Variants in LDLRAP1 observed in about 807,000 individuals in gnomAD.
LDLRAP1 encodes the protein low density lipoprotein receptor adapter protein 1.
A neutral mutation model predicts 37.8 loss-of-function variants in LDLRAP1; 30 were observed. The ratio of observed to expected loss-of-function variants is 0.79; its 90% CI spans 0.59 to 1.08. LDLRAP1 has a LOEUF of 1.08. Ranked by LOEUF, LDLRAP1 falls within the 50% of genes least tolerant of loss-of-function variation. LDLRAP1 has a pLI of 0.00. For synonymous variants in LDLRAP1, 156 were observed against 169.8 expected, an observed-to-expected ratio of 0.92 and a Z score of 0.63; for missense variants, 375 against 401.6, an observed-to-expected ratio of 0.93 and a Z score of 0.57.
At chr1:25,566,752 G>GCA in intron 8 of LDLRAP1, 96 bp from the exon 9 acceptor site, 1 of 1,470,786 alleles carries the variant, frequency 6.8e-7, no homozygotes. Context: ...CTTGGGCCAT[G>GCA]TGCCCTGCTG....
At position 25,544,411 on chromosome 1, in the gene LDLRAP1, A is replaced by G. The variant is rs557453480; in HGVS notation, c.88+625A>G. 7.9e-5 allele frequency among the ~76,000 whole-genome samples: 12 copies of G among 152,206 alleles called. No individual in the cohort carries two copies. The highest frequency in any genetic ancestry group is 1.8e-4 in the Non-Finnish European group (12 of 68,018). On this transcript the variant is annotated intron_variant, in intron 1 of 8. Coordinates refer to ENST00000374338, the MANE Select transcript of LDLRAP1 (RefSeq NM_015627.3). This position sits in a 1 kb window ranked among gnomAD's most constrained non-coding sequence, Gnocchi z 4.8. The stretch of plus-strand genomic sequence containing the variant: ...GGGAGAGCCCCACATCAGGCGATCT[A>G]GACCCTTACGTCCCTTCCTCTAGCC...
chr1:25,565,242 G>A (rs1482000111), intron 8 of LDLRAP1, 35 bp downstream of exon 8: 2 of 1,613,086 alleles, frequency 1.2e-6, no homozygotes, highest in Non-Finnish European at 1.7e-6. Context: ...TAGGGGGCCT[G>A]GTGTGCGTGG....
chr1:25,543,805 G>A lies in LDLRAP1; in HGVS notation c.88+19G>A. The A allele has an allele frequency of 8.4e-7, 1 of 1,197,542 alleles. No homozygotes were observed. Among genetic ancestry groups the A allele is most frequent in the Non-Finnish European group, 1.0e-6 (1 of 964,346 alleles). 74.2% of individuals were successfully genotyped at this position (1,197,542 alleles called of 1,614,324 possible). A position where few individuals can be genotyped will look rare whatever the true frequency, so the allele number is the denominator to read the frequency against. On this transcript the variant is annotated intron_variant, in intron 1 of 8. Coordinates refer to ENST00000374338, the MANE Select transcript of LDLRAP1 (RefSeq NM_015627.3). ...CACCGCAGTGAGTGTGCGCGCGTCA[G>A]CCGGGCCGGGCCGGGATCGGGCAGA...
chr1:25,561,330 A>T (rs1393758557), intron 4 of LDLRAP1, among the ~76,000 whole-genome samples: 1 of 152,262 alleles, frequency 6.6e-6, no homozygotes, highest in Admixed American at 6.5e-5. Context: ...CTGTACTTCC[A>T]TCAAAAATGT....
intron 1 of LDLRAP1, among the ~76,000 whole-genome samples, chr1:25,551,228 A>C (rs1388750652): frequency 1.3e-5 from 2 of 152,166 alleles, no homozygotes; most frequent in Admixed American, 1.3e-4. Context: ...GATGGGTCTC[A>C]GGTTGAAATT....
chr1:25,568,501 A>G lies in LDLRAP1; in HGVS notation c.*1509A>G, dbSNP rs1348381614. ...AAGTTTCATCAGCCCTAGGGAAAAC[A>G]CGGCCCTCCTGGGAACCTCCTTACC... On this transcript the variant is annotated 3_prime_UTR_variant, in exon 9 of 9. Transcript: ENST00000374338. 6.6e-6 allele frequency: 1 copy of G among 152,214 alleles called. No homozygotes were observed. The highest frequency in any genetic ancestry group is 1.5e-5 in the Non-Finnish European group (1 of 68,042). 9.4% of individuals were successfully genotyped at this position (152,214 alleles called of 1,614,324 possible).
At chr1:25,571,843 A>G (rs947262999), downstream of LDLRAP1, among the ~76,000 whole-genome samples, 1 of 152,178 alleles carries the variant, frequency 6.6e-6, no homozygotes, top group Non-Finnish European at 1.5e-5. Context: ...TGTGTCATGA[A>G]TCCTTGTTGC....
the LDLRAP1 span, among the ~76,000 whole-genome samples, chr1:25,579,848 C>A: frequency 6.6e-6 from 1 of 152,152 alleles, no homozygotes; most frequent in Non-Finnish European, 1.5e-5. Context: ...TCCCTGAACG[C>A]TAACTGGATT....
At chr1:25,551,320 G>T (rs879917280) in intron 1 of LDLRAP1, among the ~76,000 whole-genome samples, 2 of 152,110 alleles carry the variant, frequency 1.3e-5, no homozygotes, top group Admixed American at 6.6e-5. Flanking sequence ...AAATGCCTCC[G>T]CCTCCAAAAA....
At chr1:25,575,682 A>T in the LDLRAP1 span, among the ~76,000 whole-genome samples, 1 of 152,172 alleles carries the variant, frequency 6.6e-6, no homozygotes, top group African/African-American at 2.4e-5. Flanking sequence ...CCGTTTCCTT[A>T]TCTGTAGAGG....
chr1:25,544,929 G>A lies in LDLRAP1; in HGVS notation c.88+1143G>A, dbSNP rs957329971. 6.6e-6 allele frequency among the ~76,000 whole-genome samples: 1 copy of A among 152,232 alleles called. No homozygotes were observed. Among genetic ancestry groups the A allele is most frequent in the African/African-American group, 2.4e-5 (1 of 41,470 alleles). On this transcript the variant is annotated intron_variant, in intron 1 of 8. Transcript: ENST00000374338. This position sits in a 1 kb window ranked among gnomAD's most constrained non-coding sequence, Gnocchi z 4.8. ...TCCCTGGTCCAAGGAGTGCCAGCGT[G>A]TCTGGGCCTAGAGGGCCCGCCTCCC...
chr1:25,584,095 A>G, the LDLRAP1 span, among the ~76,000 whole-genome samples: 1 of 152,028 alleles, frequency 6.6e-6, no homozygotes, highest in Non-Finnish European at 1.5e-5. Context: ...TGAGCCTGTC[A>G]GCTGCCAAGG....
At chr1:25,556,417 C>T (rs2044201417) in intron 3 of LDLRAP1, among the ~76,000 whole-genome samples, 1 of 152,162 alleles carries the variant, frequency 6.6e-6, no homozygotes, top group Admixed American at 6.5e-5. Context: ...CCCGGGCCCA[C>T]TGGGGCTCCT....
the LDLRAP1 span, among the ~76,000 whole-genome samples, chr1:25,582,563 G>A: frequency 7.7e-4 from 113 of 147,118 alleles, 1 homozygote; most frequent in African/African-American, 2.3e-3. Context: ...CCAGCCTGGC[G>A]ACAGAGCGAG....
chr1:25,544,275 A>G lies in LDLRAP1; in HGVS notation c.88+489A>G, dbSNP rs370827036. On this transcript the variant is annotated intron_variant, in intron 1 of 8. Transcript: ENST00000374338. The surrounding 1 kb of genome is among the most constrained non-coding windows in gnomAD (Gnocchi z 4.8). ...GGCCCGTTCTCCCGCCCCCTGCCCG[A>G]CCCACCGGGCCAACTTTTGACTCCG... 2.9e-3 allele frequency among the ~76,000 whole-genome samples: 447 copies of G among 152,042 alleles called. 3 individuals are homozygous for G. The highest frequency in any genetic ancestry group is 0.01 in the African/African-American group (427 of 41,492).
At position 25,548,335 on chromosome 1, in the gene LDLRAP1, CTTTTTT is replaced by C. The variant is rs144789866; in HGVS notation, c.88+4574_88+4579del. On this transcript the variant is annotated intron_variant, in intron 1 of 8. Coordinates refer to ENST00000374338, the MANE Select transcript of LDLRAP1 (RefSeq NM_015627.3). ...CAAGACAACCCCATGGATGGATACT[CTTTTTT>C]TTTTTTTTTTTTTTTTTTTTTTTTA... is the stretch of plus-strand genomic sequence containing the variant. Among the ~76,000 whole-genome samples, 405 of 82,286 alleles carry C rather than the reference CTTTTTT, an allele frequency of 4.9e-3. 6 individuals carry two copies. The highest frequency in any genetic ancestry group is 0.014 in the African/African-American group (204 of 15,066). 54.0% of individuals were successfully genotyped at this position (82,286 alleles called of 152,430 possible).
In LDLRAP1 at chr1:25,568,531, G is replaced by A. The variant is rs1228401315; in HGVS notation, c.*1539G>A. On this transcript the variant is annotated 3_prime_UTR_variant, in exon 9 of 9. Transcript: ENST00000374338. ...CCTCCTGGGAACCTCCTTACCTGGA[G>A]TAACCGGACACCTTAGACGGAGGTG... 6.6e-6 allele frequency: 1 copy of A among 152,278 alleles called. No individual in the cohort carries two copies. The highest frequency in any genetic ancestry group is 2.4e-5 in the African/African-American group (1 of 41,464). 9.4% of individuals were successfully genotyped at this position (152,278 alleles called of 1,614,324 possible). A position where few individuals can be genotyped will look rare whatever the true frequency, so the allele number is the denominator to read the frequency against.
the LDLRAP1 span, among the ~76,000 whole-genome samples, chr1:25,587,359 GC>G: frequency 1.3e-5 from 2 of 152,160 alleles, no homozygotes; most frequent in South Asian, 4.2e-4. Context: ...TTACCATGTT[GC>G]CCAGGGCTGG....
chr1:25,582,763 C>T, the LDLRAP1 span, among the ~76,000 whole-genome samples: 2 of 151,962 alleles, frequency 1.3e-5, no homozygotes, highest in Non-Finnish European at 2.9e-5. Context: ...ATTCACATAT[C>T]ATACAACTCA....
Sources: allele counts gnomAD v4.1 joint callset (sites outside exome capture counted in the v4.1 genomes callset), GRCh38; gene constraint gnomAD v4.1.1; non-coding constraint Gnocchi (gnomAD v3.1); transcripts MANE v1.5; gene names NCBI Gene and HGNC (gene_info 2026-07-23, HGNC 2026-07-21).